Variants in RNF125 observed in about 807,000 individuals in gnomAD.
RNF125 encodes the protein E3 ubiquitin-protein ligase RNF125.
Under a neutral mutation model 26.0 loss-of-function variants are expected in RNF125, and 21 were observed. That is an observed-to-expected ratio of 0.81 (90% CI 0.57 to 1.16). The LOEUF is 1.16. Among genes scored for constraint, RNF125 ranks in the 50% most tolerant of loss-of-function variants. RNF125 has a pLI of 0.00. For missense variants in RNF125, 270 were observed against 299.4 expected, an observed-to-expected ratio of 0.90 and a Z score of 0.72; for synonymous variants, 95 against 109.2, an observed-to-expected ratio of 0.87 and a Z score of 0.81.
At position 32,073,088 on chromosome 18, in the gene RNF125, A is replaced by C. The variant is rs1359112270; in HGVS notation, c.*4704A>C. The C allele has an allele frequency of 2.0e-5, 3 of 152,238 alleles. No homozygotes were observed. In the East Asian group the frequency reaches 5.8e-4, roughly 29 times the overall value. The allele number at this position is 152,238 out of a possible 1,614,324, so 9.4% of individuals were successfully genotyped here. A position where few individuals can be genotyped will look rare whatever the true frequency, so the allele number is the denominator to read the frequency against. On this transcript the variant is annotated 3_prime_UTR_variant, in exon 6 of 6. Transcript: ENST00000217740. ...TTCTTTTATTATTCAACTACAAAAAAATAGTGTAATGATCAGAATTTAAAA... is the reference window on the plus strand; with the variant it reads ...TTCTTTTATTATTCAACTACAAAAACATAGTGTAATGATCAGAATTTAAAA...
intron 1 of RNF125, among the ~76,000 whole-genome samples, chr18:32,024,016 A>G (rs1200802230): frequency 6.6e-6 from 1 of 152,156 alleles, no homozygotes; most frequent in African/African-American, 2.4e-5. Context: ...TGACCACACA[A>G]GATTTACATA....
chr18:32,021,504 C>G (rs79314541), intron 1 of RNF125, among the ~76,000 whole-genome samples: 13 of 152,140 alleles, frequency 8.5e-5, no homozygotes, highest in Non-Finnish European at 1.5e-5. Context: ...AACATAATAT[C>G]CACAGGCCAG....
chr18:32,057,656 G>A (rs2039398793), intron 4 of RNF125, among the ~76,000 whole-genome samples: 1 of 151,804 alleles, frequency 6.6e-6, no homozygotes, highest in Non-Finnish European at 1.5e-5. Context: ...TTTTTTTATA[G>A]GTACTGGAGT....
the RNF125 span, among the ~76,000 whole-genome samples, chr18:32,088,025 C>A: frequency 2.0e-5 from 3 of 152,160 alleles, no homozygotes; most frequent in South Asian, 6.2e-4. Context: ...TTTTTGGCTT[C>A]TTCTGCATTT....
At chr18:32,049,603 C>T (rs1166886793) in intron 4 of RNF125, among the ~76,000 whole-genome samples, 2 of 128,952 alleles carry the variant, frequency 1.6e-5, no homozygotes, top group Non-Finnish European at 3.3e-5. Context: ...GGGGGGGTGG[C>T]GGGGAGGAGG....
chr18:32,077,519 G>A (rs1169348149), downstream of RNF125, among the ~76,000 whole-genome samples: 2 of 150,332 alleles, frequency 1.3e-5, no homozygotes, highest in Non-Finnish European at 3.0e-5. Flanking sequence ...GTATCACTAC[G>A]CTCAGCTAAT....
At chr18:32,037,498 G>A (rs1190285130) in intron 2 of RNF125, among the ~76,000 whole-genome samples, 2 of 149,726 alleles carry the variant, frequency 1.3e-5, no homozygotes, top group Admixed American at 6.8e-5. Flanking sequence ...GCAGCTTCTC[G>A]AGTAGCTGGG....
chr18:32,024,565 T>C (rs776744281), intron 1 of RNF125, among the ~76,000 whole-genome samples: 2 of 152,066 alleles, frequency 1.3e-5, no homozygotes, highest in African/African-American at 2.4e-5. Flanking sequence ...CTCAACCTCC[T>C]GAGTAGCTGG....
chr18:32,080,419 A>C, the RNF125 span, among the ~76,000 whole-genome samples: 2 of 152,246 alleles, frequency 1.3e-5, no homozygotes, highest in Non-Finnish European at 2.9e-5. Context: ...TCAAAGTCTT[A>C]TAACAAAATC....
chr18:32,028,586 CTTT>C (rs71177830), intron 1 of RNF125, among the ~76,000 whole-genome samples: 22 of 127,648 alleles, frequency 1.7e-4, no homozygotes, highest in East Asian at 2.2e-4. Context: ...ATTTTGTTTC[CTTT>C]TTTTTTTTTT....
intron 1 of RNF125, among the ~76,000 whole-genome samples, chr18:32,020,034 T>TGTG (rs2038971615): frequency 1.6e-5 from 2 of 121,600 alleles, no homozygotes; most frequent in African/African-American, 7.1e-5. Flanking sequence ...GTGTGTGTGT[T>TGTG]TGAGAGAGAG....
At chr18:32,034,847 G>A (rs532172082) in intron 1 of RNF125, among the ~76,000 whole-genome samples, 3 of 149,188 alleles carry the variant, frequency 2.0e-5, no homozygotes, top group East Asian at 3.9e-4. Context: ...CCTGAGAGAC[G>A]GAGGTTGCAG....
intron 4 of RNF125, among the ~76,000 whole-genome samples, chr18:32,056,153 C>CTTCA (rs1375159380): frequency 6.6e-6 from 1 of 151,842 alleles, no homozygotes; most frequent in South Asian, 2.1e-4. Context: ...TTCTTACTCT[C>CTTCA]TTCAGTATTC....
chr18:32,031,509 A>T (rs1439621849), intron 1 of RNF125: 1 of 150,928 alleles, frequency 6.6e-6, no homozygotes, highest in Admixed American at 6.6e-5. Context: ...AAAAAAAAAA[A>T]AAAGGGAAAA....
rs369244703 is a variant in RNF125 at position 32,045,593 on chromosome 18, T to A, written c.414-49T>A. 5.1e-5 allele frequency: 64 copies of A among 1,257,174 alleles called. No individual in the cohort carries two copies. The African/African-American group carries it at 6.4e-4, about 12-fold the overall frequency. 77.9% of individuals were successfully genotyped at this position (1,257,174 alleles called of 1,614,324 possible). A position where few individuals can be genotyped will look rare whatever the true frequency, so the allele number is the denominator to read the frequency against. Reference sequence around the variant, plus strand: ...AAAAAGAAAAAAAAAGTGACTACTATCTAGTTGCCAACCATTTTAATATTA... The same window carrying A: ...AAAAAGAAAAAAAAAGTGACTACTAACTAGTTGCCAACCATTTTAATATTA... On this transcript the variant is annotated intron_variant, in intron 3 of 5. Transcript: ENST00000217740.
At chr18:32,061,239 T>G (rs1250160683) in intron 4 of RNF125, among the ~76,000 whole-genome samples, 1 of 152,154 alleles carries the variant, frequency 6.6e-6, no homozygotes, top group African/African-American at 2.4e-5. Context: ...TTAGCCAGGA[T>G]GGTGTCGATC....
intron 1 of RNF125, among the ~76,000 whole-genome samples, chr18:32,033,002 A>T (rs1598811134): frequency 6.6e-6 from 1 of 152,230 alleles, no homozygotes; most frequent in Admixed American, 6.5e-5. Flanking sequence ...AGGGAGTGAA[A>T]TGAAAATGGC....
At chr18:32,053,289 G>A (rs2039346410) in intron 4 of RNF125, among the ~76,000 whole-genome samples, 1 of 152,192 alleles carries the variant, frequency 6.6e-6, no homozygotes, top group Admixed American at 6.5e-5. Context: ...TTGAACCCGG[G>A]AGGTGGAGGT....
intron 4 of RNF125, among the ~76,000 whole-genome samples, chr18:32,060,160 C>G (rs546268778): frequency 2.6e-5 from 4 of 152,276 alleles, no homozygotes; most frequent in Admixed American, 2.6e-4. Context: ...TCAACATGCT[C>G]AAGGCCAGGA....
Sources: gnomAD v4.1 joint callset for allele counts (sites outside exome capture counted in the v4.1 genomes callset) on GRCh38, gnomAD v4.1.1 for gene constraint, MANE v1.5 for transcripts, NCBI Gene and HGNC (gene_info 2026-07-23, HGNC 2026-07-21) for gene names.